SYT1: variants seen among roughly 807,000 people sequenced by gnomAD.
The protein encoded by SYT1 is synaptotagmin-1.
Under a neutral mutation model 44.8 loss-of-function variants are expected in SYT1, and 8 were observed. That is an observed-to-expected ratio of 0.18 (90% confidence interval 0.10 to 0.32). The LOEUF is 0.32. SYT1 is among the 10% of genes least tolerant of loss of function. The pLI is 1.00. For missense variants in SYT1, 286 were observed against 509.3 expected, an observed-to-expected ratio of 0.56 and a Z score of 4.22; for synonymous variants, 154 against 188.8, an observed-to-expected ratio of 0.82 and a Z score of 1.51.
intron 1 of SYT1, among the ~76,000 whole-genome samples, chr12:78,915,217 A>T (rs943785242): frequency 1.3e-5 from 2 of 152,042 alleles, no homozygotes; most frequent in Admixed American, 1.3e-4. Flanking sequence ...AATAGATCAA[A>T]GGTTCCCAAG....
chr12:79,056,465 C>T (rs1193782749), intron 3 of SYT1, among the ~76,000 whole-genome samples: 1 of 152,032 alleles, frequency 6.6e-6, no homozygotes, highest in African/African-American at 2.4e-5. Context: ...GACATTTTGA[C>T]AGTCTTCGTG....
Position 78,906,330 on chromosome 12 carries a change from A to G in SYT1, c.-217+41221A>G, listed in dbSNP as rs1875978569. ...AATGTATTTCCTCATGACAAGTGGA[A>G]GTTCATTCAAGTATTTAACAAATAC... On this transcript the variant is annotated intron_variant, in intron 1 of 10. Transcript: ENST00000261205. 3.9e-5 allele frequency among the ~76,000 whole-genome samples: 6 copies of G among 152,116 alleles called. No homozygotes were observed. In the South Asian group the frequency reaches 1.2e-3, roughly 32 times the overall value.
chr12:79,010,655 CT>C (rs777203285), intron 2 of SYT1, among the ~76,000 whole-genome samples: 109 of 152,152 alleles, frequency 7.2e-4, no homozygotes, highest in Non-Finnish European at 1.2e-3. Context: ...ATCTTCTGAT[CT>C]TTTGATTCTC....
At chr12:79,177,242 T>C (rs1871945460) in intron 3 of SYT1, among the ~76,000 whole-genome samples, 1 of 80,744 alleles carries the variant, frequency 1.2e-5, no homozygotes, top group Non-Finnish European at 2.4e-5. Context: ...TTCACCTTCC[T>C]GTGTCCATGT....
At chr12:79,383,423 CCTAA>C (rs1255198136) in intron 9 of SYT1, among the ~76,000 whole-genome samples, 2 of 152,096 alleles carry the variant, frequency 1.3e-5, no homozygotes, top group Admixed American at 1.3e-4. Flanking sequence ...CCACTTCCTC[CCTAA>C]CTATGAATAT....
chr12:79,040,684 A>G (rs1434475914), intron 2 of SYT1, among the ~76,000 whole-genome samples: 1 of 152,188 alleles, frequency 6.6e-6, no homozygotes, highest in Non-Finnish European at 1.5e-5. Flanking sequence ...TGTTTTGGAC[A>G]TGAAGTCCTT....
chr12:78,906,788 G>C (rs987615403), intron 1 of SYT1, among the ~76,000 whole-genome samples: 1 of 151,986 alleles, frequency 6.6e-6, no homozygotes, highest in Admixed American at 6.6e-5. Flanking sequence ...AGAGCACCAC[G>C]GTATCCCTAG....
chr12:79,330,722 C>T (rs1435907109), intron 8 of SYT1, among the ~76,000 whole-genome samples: 3 of 152,150 alleles, frequency 2.0e-5, no homozygotes, highest in African/African-American at 7.2e-5. Context: ...CTGTTGTATG[C>T]ACTTCATATG....
chr12:78,887,300 T>A (rs1230041467), intron 1 of SYT1, among the ~76,000 whole-genome samples: 1 of 151,976 alleles, frequency 6.6e-6, no homozygotes, highest in Non-Finnish European at 1.5e-5. Flanking sequence ...ACACTGACTA[T>A]CGGTATTACA....
At chr12:79,146,583 CT>C (rs1156302083) in intron 3 of SYT1, among the ~76,000 whole-genome samples, 1 of 152,140 alleles carries the variant, frequency 6.6e-6, no homozygotes, top group Non-Finnish European at 1.5e-5. Flanking sequence ...GTGTGAAATG[CT>C]AATCTTCTCC....
rs372042196 is a variant in SYT1 at position 79,166,529 on chromosome 12, C to G, written c.-17-50974C>G. ...GGAGAAAAAATGAGAAAATGAATAG[C>G]CATCTAGGTCATTTTTAGACCAAAA... On this transcript the variant is annotated intron_variant, in intron 3 of 10. Coordinates refer to ENST00000261205, the MANE Select transcript of SYT1 (RefSeq NM_005639.3). Among the ~76,000 whole-genome samples, 14 of 151,848 alleles carry G rather than the reference C, an allele frequency of 9.2e-5. No individual in the cohort carries two copies. In the East Asian group the frequency reaches 1.4e-3, roughly 15 times the overall value.
chr12:79,153,931 C>A (rs1870435390), intron 3 of SYT1, among the ~76,000 whole-genome samples: 1 of 152,088 alleles, frequency 6.6e-6, no homozygotes. Context: ...CTCTATTTTA[C>A]AGTCAGAGAA....
intron 2 of SYT1, among the ~76,000 whole-genome samples, chr12:78,999,618 C>T (rs1166282487): frequency 6.6e-6 from 1 of 152,154 alleles, no homozygotes; most frequent in Non-Finnish European, 1.5e-5. Flanking sequence ...AAAATAATCA[C>T]ACTCTCAATA....
intron 4 of SYT1, among the ~76,000 whole-genome samples, chr12:79,239,978 G>A (rs1215544935): frequency 6.6e-6 from 1 of 152,188 alleles, no homozygotes; most frequent in East Asian, 1.9e-4. Flanking sequence ...GCTCACCCAG[G>A]ACAGTCTCCC....
chr12:79,416,932 C>T (rs1311979762), intron 9 of SYT1, among the ~76,000 whole-genome samples: 1 of 152,042 alleles, frequency 6.6e-6, no homozygotes, highest in African/African-American at 2.4e-5. Context: ...CCTGTGTAGT[C>T]ATAAATAGCA....
chr12:78,970,915 T>C (rs1388371106), intron 1 of SYT1, among the ~76,000 whole-genome samples: 3 of 152,164 alleles, frequency 2.0e-5, no homozygotes, highest in African/African-American at 4.8e-5. Context: ...GAATTATAGC[T>C]AAGTAGGTGG....
chr12:79,071,655 G>A (rs975513970), intron 3 of SYT1, among the ~76,000 whole-genome samples: 5 of 152,120 alleles, frequency 3.3e-5, no homozygotes, highest in East Asian at 3.9e-4. Flanking sequence ...CTTTAGGGAA[G>A]GCTCCTTCCT....
intron 8 of SYT1, among the ~76,000 whole-genome samples, chr12:79,308,647 A>AGAAAGAAAGAAAGAAAGAAG (rs1491528999): frequency 8.5e-6 from 1 of 117,330 alleles, no homozygotes; most frequent in African/African-American, 3.9e-5. Context: ...AAAGAAAGAA[A>AGAAAGAAAGAAAGAAAGAAG]GAAAGAAAGA....
chr12:78,909,902 C>T (rs776672587), intron 1 of SYT1, among the ~76,000 whole-genome samples: 2 of 151,906 alleles, frequency 1.3e-5, no homozygotes, highest in Non-Finnish European at 2.9e-5. Flanking sequence ...AAAAAATGTA[C>T]TCTCTCTTTA....
Sources: gnomAD v4.1 joint callset for allele counts (sites outside exome capture counted in the v4.1 genomes callset) on GRCh38, gnomAD v4.1.1 for gene constraint, MANE v1.5 for transcripts, NCBI Gene and HGNC (gene_info 2026-07-23, HGNC 2026-07-21) for gene names.